Variants in PKHD1 observed in about 807,000 individuals in gnomAD.
PKHD1 encodes fibrocystin.
A neutral mutation model predicts 412.0 loss-of-function variants in PKHD1; 291 were observed. That is an observed-to-expected ratio of 0.71 (90% CI 0.64 to 0.78). The LOEUF (loss-of-function observed/expected upper bound fraction) is 0.78. Among genes scored for constraint, PKHD1 ranks in the 30% least tolerant of loss-of-function variants. PKHD1 has a pLI of 0.00. For missense variants in PKHD1, 4,825 were observed against 4,950.7 expected (o/e 0.97, Z 0.76); for synonymous variants, 1,777 against 1,821.5 (o/e 0.98, Z 0.62).
intron 37 of PKHD1, among the ~76,000 whole-genome samples, chr6:51,931,006 C>T (rs1786486342): frequency 6.6e-6 from 1 of 152,178 alleles, no homozygotes; most frequent in Non-Finnish European, 1.5e-5. Flanking sequence ...GCCCAACACT[C>T]TGGAACACTT....
intron 53 of PKHD1, among the ~76,000 whole-genome samples, chr6:51,788,274 A>G (rs1247483653): frequency 6.6e-6 from 1 of 152,000 alleles, no homozygotes; most frequent in East Asian, 1.9e-4. Flanking sequence ...ATTTGACTGT[A>G]TTAACAGAAG....
In PKHD1 at chr6:51,748,087, T is replaced by C. The variant is rs373146561; in HGVS notation, c.9529A>G (p.Ile3177Val). The change falls in exon 58 of 67, where the codon ATT (isoleucine) becomes GTT (valine). Residue 3177 changes from isoleucine to valine, a missense_variant. Coordinates refer to ENST00000371117, the MANE Select transcript of PKHD1 (RefSeq NM_138694.4). ...IENITLVDNT[I>V]GLLAVVYVFS... ...ACATACACTACTGCCAAAAGACCAATAGTATTGTCTACCAGAGTAATGTTC... is the reference window on the plus strand; with the variant it reads ...ACATACACTACTGCCAAAAGACCAACAGTATTGTCTACCAGAGTAATGTTC... The C allele has an allele frequency of 9.9e-6, 16 of 1,613,670 alleles. 1 individual carries two copies. Among genetic ancestry groups the C allele is most frequent in the South Asian group, 4.4e-5 (4 of 91,076 alleles).
At chr6:51,621,376 A>C (rs1766597934) in intron 66 of PKHD1, among the ~76,000 whole-genome samples, 1 of 152,226 alleles carries the variant, frequency 6.6e-6, no homozygotes. Context: ...ATCAGGTAGA[A>C]GCAAACTTTA....
At chr6:51,951,023 C>G (rs2127878523) in intron 36 of PKHD1, among the ~76,000 whole-genome samples, 1 of 152,178 alleles carries the variant, frequency 6.6e-6, no homozygotes, top group South Asian at 2.1e-4. Context: ...ATTAAGGTAA[C>G]CTTATAACTG....
intron 43 of PKHD1, among the ~76,000 whole-genome samples, chr6:51,891,694 A>C (rs1049139205): frequency 6.8e-5 from 10 of 147,598 alleles, no homozygotes; most frequent in African/African-American, 2.6e-4. Flanking sequence ...TCCTGAATGT[A>C]CCACATGTTC....
chr6:52,025,995 C>T lies in PKHD1; in HGVS notation c.3815G>A (p.Trp1272Ter), dbSNP rs2128146216. 1 of 1,614,130 alleles carries T rather than the reference C, an allele frequency of 6.2e-7. No homozygotes were observed. The highest frequency in any genetic ancestry group is 8.5e-7 in the Non-Finnish European group (1 of 1,180,030). ...ACGGGCGAAGAACCTGTTGCCAGCC[C>T]AGACCTCCACGGCAGCTGGAACAGT... Reference protein sequence around the residue: ...APTVPAAVEVWAGNRFFARGP... With the variant: ...APTVPAAVEV Residue 1272 changes from tryptophan to a stop codon, truncating the protein, a stop_gained, in exon 32 of 67, where the codon TGG becomes TAG. Transcript: ENST00000371117. LOFTEE classifies it high-confidence loss of function.
At chr6:51,993,011 G>A (rs1442265317) in intron 35 of PKHD1, among the ~76,000 whole-genome samples, 1 of 152,188 alleles carries the variant, frequency 6.6e-6, no homozygotes, top group African/African-American at 2.4e-5. Flanking sequence ...TATTAGCCTT[G>A]CAATTTCTTA....
chr6:51,705,857 T>C lies in PKHD1; in HGVS notation c.10156+38528A>G, dbSNP rs1303530696. Among the ~76,000 whole-genome samples, 4 of 152,280 alleles carry C rather than the reference T, an allele frequency of 2.6e-5. No homozygotes were observed. In the East Asian group the frequency reaches 5.8e-4, roughly 22 times the overall value. ...ATGGTCATGGGCAGAGAAGGGCAAT[T>C]GTGATTAATCACAGGTGCTGGCTAG... On this transcript the variant is annotated intron_variant, in intron 60 of 66. Coordinates refer to ENST00000371117, the MANE Select transcript of PKHD1 (RefSeq NM_138694.4).
intron 47 of PKHD1, among the ~76,000 whole-genome samples, chr6:51,869,547 G>A (rs1372709170): frequency 6.6e-6 from 1 of 152,092 alleles, no homozygotes; most frequent in Non-Finnish European, 1.5e-5. Flanking sequence ...TGGTATTTAA[G>A]CAAATGAAAA....
Position 52,058,487 on chromosome 6 carries a change from C to T in PKHD1, c.1348G>A (p.Ala450Thr). 1 of 1,614,190 alleles carries T rather than the reference C, an allele frequency of 6.2e-7. No individual in the cohort carries two copies. The highest frequency in any genetic ancestry group is 8.5e-7 in the Non-Finnish European group (1 of 1,180,018). Reference sequence around the variant, plus strand: ...TGCTCTGCTTCCAGGTAGTACATGGCTCCACCCAACAGCTCCAACTTGGGA... The same window carrying T: ...TGCTCTGCTTCCAGGTAGTACATGGTTCCACCCAACAGCTCCAACTTGGGA... Reference protein sequence around the residue: ...KTPKLELLGGAMYYLEAEHHG... With the variant: ...KTPKLELLGGTMYYLEAEHHG... The change falls in exon 16 of 67, where the codon GCC becomes ACC. Residue 450 changes from alanine (A) to threonine (T), a missense_variant. Ala to Thr is a moderately conservative substitution (Grantham distance 58, BLOSUM62 0). Coordinates refer to ENST00000371117, the MANE Select transcript of PKHD1 (RefSeq NM_138694.4).
At chr6:51,704,351 T>C (rs542881598) in intron 60 of PKHD1, among the ~76,000 whole-genome samples, 1 of 152,168 alleles carries the variant, frequency 6.6e-6, no homozygotes, top group South Asian at 2.1e-4. Flanking sequence ...TCAAATGTTA[T>C]ACCAATGAAC....
intron 13 of PKHD1, among the ~76,000 whole-genome samples, chr6:52,064,721 C>T (rs1018490969): frequency 4.0e-5 from 6 of 151,520 alleles, no homozygotes; most frequent in African/African-American, 7.3e-5. Flanking sequence ...CTCTTCTGGA[C>T]GCCACTGGCC....
At chr6:51,690,891 G>A (rs1778078238) in intron 60 of PKHD1, among the ~76,000 whole-genome samples, 1 of 152,094 alleles carries the variant, frequency 6.6e-6, no homozygotes, top group African/African-American at 2.4e-5. Context: ...TACAGAATGG[G>A]AGAAAGTTTT....
At chr6:51,807,457 A>AT (rs1562356268) in intron 52 of PKHD1, among the ~76,000 whole-genome samples, 880 of 38,734 alleles carry the variant, frequency 0.023, 57 homozygotes, top group African/African-American at 0.067. Flanking sequence ...AAAAAAAAAA[A>AT]AATATATATA....
At chr6:51,922,581 C>G (rs1408432240) in intron 37 of PKHD1, among the ~76,000 whole-genome samples, 1 of 152,230 alleles carries the variant, frequency 6.6e-6, no homozygotes, top group Non-Finnish European at 1.5e-5. Context: ...CCTAGCTGAG[C>G]TGCGGTGGGC....
At position 51,836,486 on chromosome 6, in the gene PKHD1, A is replaced by G. The variant is rs369899230; in HGVS notation, c.8108-17T>C. ...CACCTGAAACTAAATACCAAAAGCC[A>G]CAACTTGCATGTGATACAAAGATCA... On this transcript the variant is annotated splice_polypyrimidine_tract_variant and intron_variant, in intron 50 of 66. Transcript: ENST00000371117. 6 of 1,582,884 alleles carry G rather than the reference A, an allele frequency of 3.8e-6. No individual in the cohort carries two copies. Among genetic ancestry groups the G allele is most frequent in the African/African-American group, 1.3e-5 (1 of 74,280 alleles).
intron 55 of PKHD1, among the ~76,000 whole-genome samples, chr6:51,762,503 G>C (rs1399671478): frequency 6.6e-6 from 1 of 151,990 alleles, no homozygotes; most frequent in Non-Finnish European, 1.5e-5. Context: ...GTAATTTAGA[G>C]ATAAATTGAT....
At chr6:51,737,690 T>C (rs1784022603) in intron 60 of PKHD1, among the ~76,000 whole-genome samples, 2 of 151,820 alleles carry the variant, frequency 1.3e-5, no homozygotes, top group Admixed American at 6.6e-5. Flanking sequence ...TTCTCAAGCC[T>C]AACACAGCAG....
chr6:51,937,175 C>G (rs1026846558), intron 36 of PKHD1, among the ~76,000 whole-genome samples: 1 of 152,222 alleles, frequency 6.6e-6, no homozygotes, highest in Non-Finnish European at 1.5e-5. Context: ...TAAGTTAACT[C>G]TTTCAACCAA....
Sources: gnomAD v4.1 joint callset for allele counts (sites outside exome capture counted in the v4.1 genomes callset) on GRCh38, gnomAD v4.1.1 for gene constraint, MANE v1.5 for transcripts, NCBI Gene and HGNC (gene_info 2026-07-23, HGNC 2026-07-21) for gene names.